COLEC12: variants seen among roughly 807,000 people sequenced by gnomAD.
COLEC12 encodes the protein collectin-12.
COLEC12 carries 33 observed loss-of-function variants against 71.1 expected under a neutral mutation model. That is an observed-to-expected ratio of 0.46 (90% confidence interval 0.35 to 0.62). The LOEUF is 0.62. Ranked by LOEUF, COLEC12 falls within the 20% of genes least tolerant of loss-of-function variation. COLEC12 has a pLI of 0.00. For synonymous variants in COLEC12, 350 were observed against 353.0 expected (o/e 0.99, Z 0.10); for missense variants, 765 against 916.1 (o/e 0.84, Z 2.13).
chr18:458,588 G>A (rs1916916453), intron 2 of COLEC12, among the ~76,000 whole-genome samples: 1 of 152,254 alleles, frequency 6.6e-6, no homozygotes, highest in Admixed American at 6.5e-5. Context: ...GGCAGCTCAA[G>A]ACCTAGGAGC....
At chr18:453,595 T>C (rs1362467436) in intron 2 of COLEC12, among the ~76,000 whole-genome samples, 1 of 152,134 alleles carries the variant, frequency 6.6e-6, no homozygotes, top group Non-Finnish European at 1.5e-5. Context: ...CAGGGCTCAG[T>C]CCTCAGCCCT....
At chr18:483,363 A>G (rs1917461118) in intron 1 of COLEC12, among the ~76,000 whole-genome samples, 2 of 147,308 alleles carry the variant, frequency 1.4e-5, no homozygotes, top group Non-Finnish European at 3.0e-5. Context: ...CGCCAACTAC[A>G]CTCCAGCCTG....
intron 2 of COLEC12, among the ~76,000 whole-genome samples, chr18:447,746 T>A (rs951945717): frequency 6.6e-5 from 10 of 152,198 alleles, no homozygotes; most frequent in African/African-American, 2.4e-4. Flanking sequence ...TAATATGTAG[T>A]AAACATAAAG....
intron 9 of COLEC12, among the ~76,000 whole-genome samples, chr18:320,342 T>A (rs1385590284): frequency 6.6e-6 from 1 of 152,202 alleles, no homozygotes; most frequent in East Asian, 1.9e-4. Flanking sequence ...AAGACAAATC[T>A]GAGTTACTTG....
intron 2 of COLEC12, among the ~76,000 whole-genome samples, chr18:461,688 A>G (rs562530041): frequency 1.4e-5 from 1 of 72,768 alleles, no homozygotes; most frequent in Admixed American, 1.5e-4. Context: ...GTACCCGGCT[A>G]AGAGATTTTT....
chr18:444,534 A>G (rs1050498495), intron 2 of COLEC12, among the ~76,000 whole-genome samples: 2 of 152,246 alleles, frequency 1.3e-5, no homozygotes, highest in African/African-American at 4.8e-5. Context: ...AGCAGTTTTC[A>G]TGACATTAAT....
chr18:455,648 C>CT (rs1916855012), intron 2 of COLEC12, among the ~76,000 whole-genome samples: 1 of 150,160 alleles, frequency 6.7e-6, no homozygotes, highest in Non-Finnish European at 1.5e-5. Flanking sequence ...CCTCCCTTTG[C>CT]CCCCCCCTCC....
At position 500,277 on chromosome 18, in the gene COLEC12, G is replaced by T. The variant is rs1449174288; in HGVS notation, c.7+231C>A. Among the ~76,000 whole-genome samples, 1 of 152,174 alleles carries T rather than the reference G, an allele frequency of 6.6e-6. No individual in the cohort carries two copies. Among genetic ancestry groups the T allele is most frequent in the Non-Finnish European group, 1.5e-5 (1 of 68,028 alleles). ...ACTACTTGCAAAGACGCGATGGGGA[G>T]GGGAATACTTGCGCGCTTCAAAACC... On this transcript the variant is annotated intron_variant, in intron 1 of 9. Coordinates refer to ENST00000400256, the MANE Select transcript of COLEC12 (RefSeq NM_130386.3). The surrounding 1 kb of genome is among the most constrained non-coding windows in gnomAD (Gnocchi z 5.3).
intron 2 of COLEC12, among the ~76,000 whole-genome samples, chr18:407,497 G>A (rs550775199): frequency 7.2e-5 from 11 of 152,266 alleles, no homozygotes; most frequent in Admixed American, 5.9e-4. Context: ...CTGAAGGCAG[G>A]AGAAAATAAA....
chr18:403,505 T>C (rs899212731), intron 2 of COLEC12, among the ~76,000 whole-genome samples: 1 of 152,202 alleles, frequency 6.6e-6, no homozygotes, highest in Admixed American at 6.5e-5. Flanking sequence ...ACACTACACA[T>C]TGTTATTCAC....
chr18:480,778 C>T lies in COLEC12; in HGVS notation c.8-21G>A, dbSNP rs772811249. 2.4e-5 allele frequency: 39 copies of T among 1,611,408 alleles called. 1 individual carries two copies. The African/African-American group carries it at 2.5e-4, about 10-fold the overall frequency. On this transcript the variant is annotated intron_variant, in intron 1 of 9. Transcript: ENST00000400256. The surrounding 1 kb of genome is among the most constrained non-coding windows in gnomAD (Gnocchi z 4.1). ...GTCGTCTGTGAGAGAAGAAGAGACA[C>T]GATGTTAATCCTGGCAAGGGGCACA...
At chr18:421,619 A>C (rs1178279573) in intron 2 of COLEC12, among the ~76,000 whole-genome samples, 1 of 152,180 alleles carries the variant, frequency 6.6e-6, no homozygotes, top group African/African-American at 2.4e-5. Flanking sequence ...ACTTCACAGC[A>C]TGAGTAATGC....
rs139939132 is a variant in COLEC12 at position 399,746 on chromosome 18, G to A, written c.59-42224C>T. ...TGGGGTGGATGCCGAGCGCTGGGAA[G>A]GAATATGCCCTCGTTCCCCCATCTC... On this transcript the variant is annotated intron_variant, in intron 2 of 9. Coordinates refer to ENST00000400256, the MANE Select transcript of COLEC12 (RefSeq NM_130386.3). This position sits in a 1 kb window ranked among gnomAD's most constrained non-coding sequence, Gnocchi z 4.0. Among the ~76,000 whole-genome samples the A allele has an allele frequency of 6.6e-6, 1 of 152,304 alleles. No individual in the cohort carries two copies. The highest frequency in any genetic ancestry group is 1.9e-4 in the East Asian group (1 of 5,182).
intron 2 of COLEC12, among the ~76,000 whole-genome samples, chr18:379,375 T>A (rs1192749613): frequency 6.6e-6 from 1 of 151,976 alleles, no homozygotes; most frequent in African/African-American, 2.4e-5. Context: ...AATCCTCCCA[T>A]CTCGGTCTCC....
chr18:457,588 G>A, intron 2 of COLEC12, among the ~76,000 whole-genome samples: 1 of 152,130 alleles, frequency 6.6e-6, no homozygotes, highest in East Asian at 1.9e-4. Flanking sequence ...ATCTGTAAAC[G>A]ATCTTTTGGT....
intron 2 of COLEC12, among the ~76,000 whole-genome samples, chr18:432,689 A>C (rs1328058663): frequency 1.3e-5 from 2 of 151,758 alleles, no homozygotes; most frequent in Admixed American, 6.6e-5. Context: ...CAGCTCCCTC[A>C]GTTCACCATG....
intron 2 of COLEC12, among the ~76,000 whole-genome samples, chr18:422,953 G>A (rs925132907): frequency 1.3e-5 from 2 of 152,148 alleles, no homozygotes; most frequent in East Asian, 3.8e-4. Flanking sequence ...CTGTAAATAC[G>A]TTTCCCACTC....
In COLEC12 at chr18:321,916, C is replaced by T. The variant is rs73371819; in HGVS notation, c.2064-109G>A. 1,060 of 1,081,576 alleles carry T rather than the reference C, an allele frequency of 9.8e-4. 11 individuals are homozygous for T. In the African/African-American group the frequency reaches 0.014, roughly 15 times the overall value. The allele number at this position is 1,081,576 out of a possible 1,614,324, so 67.0% of individuals were successfully genotyped here. On this transcript the variant is annotated intron_variant, in intron 8 of 9. Transcript: ENST00000400256. ...AACAAAATTGAAGCATGTCATTTAT[C>T]CTGGAATGAAAATGCAGTTTAAAAA...
chr18:345,142 A>C (rs16942972), intron 5 of COLEC12, among the ~76,000 whole-genome samples: 7,651 of 152,194 alleles, frequency 0.05, 190 homozygotes, highest in Middle Eastern at 0.1. Context: ...TCTTTATGTT[A>C]AACTCCCTAA....
Sources: allele counts gnomAD v4.1 joint callset (sites outside exome capture counted in the v4.1 genomes callset), GRCh38; gene constraint gnomAD v4.1.1; non-coding constraint Gnocchi (gnomAD v3.1); transcripts MANE v1.5; gene names NCBI Gene and HGNC (gene_info 2026-07-23, HGNC 2026-07-21).